The following PNPLA3 variants were observed in gnomAD, a reference collection of about 807,000 sequenced individuals.
PNPLA3 encodes 1-acylglycerol-3-phosphate O-acyltransferase PNPLA3.
In PNPLA3, 42 loss-of-function variants were observed where a neutral mutation model predicts 43.1. That is an observed-to-expected ratio of 0.97 (90% CI 0.76 to 1.26). PNPLA3 has a LOEUF of 1.26. Ranked by LOEUF, PNPLA3 falls within the 50% of genes most tolerant of loss-of-function variation. The pLI, the probability that PNPLA3 is intolerant of heterozygous loss-of-function variation, is 0.00. For synonymous variants in PNPLA3, 272 were observed against 253.6 expected, an observed-to-expected ratio of 1.07 and a Z score of -0.69; for missense variants, 647 against 621.4, an observed-to-expected ratio of 1.04 and a Z score of -0.44.
Position 43,932,910 on chromosome 22 carries a change from A to T in PNPLA3, c.519A>T (p.Val173=). Residue 173 remains valine (V), a synonymous_variant, in exon 4 of 9, where the codon GTA becomes GTT. Coordinates refer to ENST00000216180, the MANE Select transcript of PNPLA3 (RefSeq NM_025225.3). ...RYVDGGVSDN[V]PFIDAKTTIT... is the part of the protein sequence containing the mutation. ...TGGATGGAGGAGTGAGTGACAACGT[A>T]CCCTTCATTGATGCCAAAACAACCA... The T allele has an allele frequency of 6.2e-7, 1 of 1,614,142 alleles. No homozygotes were observed. Among genetic ancestry groups the T allele is most frequent in the Admixed American group, 1.7e-5 (1 of 60,016 alleles).
intron 6 of PNPLA3, among the ~76,000 whole-genome samples, 180 bp downstream of exon 6, chr22:43,937,452 C>A (rs963302869): frequency 1.9e-4 from 29 of 152,122 alleles, no homozygotes; most frequent in African/African-American, 6.8e-4. Context: ...CAGCCCCCAA[C>A]CCCCCCAATC....
chr22:43,930,184 G>A lies in PNPLA3; in HGVS notation c.486+1295G>A, dbSNP rs1409711130. ...ATCTTATAGGGTCCCCACAACCAAG[G>A]GGAGATGTGATTATTCATCCTGTGT... is the stretch of plus-strand genomic sequence containing the variant. On this transcript the variant is annotated intron_variant, in intron 3 of 8. Coordinates refer to ENST00000216180, the MANE Select transcript of PNPLA3 (RefSeq NM_025225.3). Among the ~76,000 whole-genome samples the A allele has an allele frequency of 2.0e-5, 3 of 152,136 alleles. No individual in the cohort carries two copies. The East Asian group carries it at 5.8e-4, about 29-fold the overall frequency.
rs558010007 is a variant in PNPLA3 at position 43,932,886 on chromosome 22, G to C, written c.495G>C (p.Val165=). The C allele has an allele frequency of 4.6e-5, 74 of 1,614,098 alleles. No individual in the cohort carries two copies. The highest frequency in any genetic ancestry group is 6.2e-5 in the Non-Finnish European group (73 of 1,179,960). ...TTCCCCTTCTTTAAAAGCGATATGT[G>C]GATGGAGGAGTGAGTGACAACGTAC... ...IPPSFRGVRY[V]DGGVSDNVPF... The change falls in exon 4 of 9, where the codon GTG becomes GTC. Residue 165 remains valine (V), a synonymous_variant. Transcript: ENST00000216180.
intron 7 of PNPLA3, among the ~76,000 whole-genome samples, chr22:43,942,704 T>TC (rs1569016342): frequency 1.4e-5 from 2 of 143,072 alleles, no homozygotes; most frequent in African/African-American, 5.2e-5. Context: ...CTTTTTTCTT[T>TC]TTTTTTTTTT....
intron 4 of PNPLA3, among the ~76,000 whole-genome samples, chr22:43,934,123 C>A (rs1019587480): frequency 6.6e-6 from 1 of 151,950 alleles, no homozygotes; most frequent in Non-Finnish European, 1.5e-5. Flanking sequence ...TTGAGACCAG[C>A]CTGGCCAACA....
chr22:43,941,559 C>T (rs779594961), intron 7 of PNPLA3, among the ~76,000 whole-genome samples: 2 of 152,082 alleles, frequency 1.3e-5, no homozygotes, highest in Non-Finnish European at 2.9e-5. Flanking sequence ...AGTACTCATC[C>T]CATAGTAAGC....
chr22:43,934,374 G>C (rs530532382), intron 4 of PNPLA3, among the ~76,000 whole-genome samples: 1 of 151,742 alleles, frequency 6.6e-6, no homozygotes, highest in African/African-American at 2.4e-5. Flanking sequence ...CTGGCCTGCT[G>C]GGGTGCCTGC....
At position 43,927,036 on chromosome 22, in the gene PNPLA3, G is replaced by C; in HGVS notation, c.289G>C (p.Gly97Arg). 1 of 1,614,210 alleles carries C rather than the reference G, an allele frequency of 6.2e-7. No homozygotes were observed. The highest frequency in any genetic ancestry group is 8.5e-7 in the Non-Finnish European group (1 of 1,180,030). Residue 97 changes from glycine (G) to arginine (R), a missense_variant, in exon 2 of 9, where the codon GGT (glycine) becomes CGT (arginine). By Grantham distance (125) the Gly-to-Arg change is moderately radical. Coordinates refer to ENST00000216180, the MANE Select transcript of PNPLA3 (RefSeq NM_025225.3). ...SFNLSKFLRQ[G>R]LCKCLPANVH... ...CAACTTAAGCAAGTTCCTCCGACAG[G>C]GTCTCTGCAAATGCCTCCCGGCCAA...
At position 43,944,680 on chromosome 22, in the gene PNPLA3, C is replaced by T. The variant is rs199776553; in HGVS notation, c.1113-11C>T. 4 of 1,612,770 alleles carry T rather than the reference C, an allele frequency of 2.5e-6. No homozygotes were observed. Among genetic ancestry groups the T allele is most frequent in the East Asian group, 2.2e-5 (1 of 44,880 alleles). Reference sequence around the variant, plus strand: ...ATGTGTGTGTTTGTGTACTTGGTCTCATCTCTGCAGACTGGTGACATGGCT... The same window carrying T: ...ATGTGTGTGTTTGTGTACTTGGTCTTATCTCTGCAGACTGGTGACATGGCT... On this transcript the variant is annotated splice_polypyrimidine_tract_variant and intron_variant, in intron 7 of 8. Transcript: ENST00000216180.
At chr22:43,925,177 A>G (rs1389407787) in intron 1 of PNPLA3, among the ~76,000 whole-genome samples, 2 of 151,548 alleles carry the variant, frequency 1.3e-5, no homozygotes, top group African/African-American at 2.4e-5. Flanking sequence ...TCTAGTTTCC[A>G]CTGACCTAGG....
intron 7 of PNPLA3, 87 bp from the exon 8 acceptor site, chr22:43,944,604 T>C: frequency 9.3e-7 from 1 of 1,069,544 alleles, no homozygotes; most frequent in Non-Finnish European, 1.4e-6. Flanking sequence ...GGAGGTGATG[T>C]TGGCAGCTTT....
chr22:43,940,655 A>G (rs2050025248), intron 7 of PNPLA3, among the ~76,000 whole-genome samples: 1 of 151,954 alleles, frequency 6.6e-6, no homozygotes, highest in Non-Finnish European at 1.5e-5. Context: ...CTAAAAATAC[A>G]AAAATTAGTG....
rs1367745110 is a variant in PNPLA3, at chr22:43,926,929, C to T, written c.188-6C>T. The T allele has an allele frequency of 4.3e-6, 7 of 1,612,574 alleles. No homozygotes were observed. In the Admixed American group the frequency reaches 8.3e-5, roughly 19 times the overall value. The stretch of plus-strand genomic sequence containing the variant: ...ATTCTTTCATGTATTTGTCTCCTGT[C>T]CCCAGAGCAGACTCTGCAGGTCCTC... On this transcript the variant is annotated splice_polypyrimidine_tract_variant and splice_region_variant and intron_variant, in intron 1 of 8. Coordinates refer to ENST00000216180, the MANE Select transcript of PNPLA3 (RefSeq NM_025225.3).
At chr22:43,939,014 C>T (rs532613612) in intron 6 of PNPLA3, among the ~76,000 whole-genome samples, 37 of 152,340 alleles carry the variant, frequency 2.4e-4, no homozygotes, top group African/African-American at 7.0e-4. Context: ...GAGCCTCCAT[C>T]TCCCAGGTTC....
intron 1 of PNPLA3, among the ~76,000 whole-genome samples, chr22:43,924,850 G>A (rs1378204045): frequency 3.3e-5 from 5 of 151,914 alleles, no homozygotes; most frequent in South Asian, 2.1e-4. Context: ...GGGTTTCACC[G>A]TGTTAGCCAG....
intron 3 of PNPLA3, among the ~76,000 whole-genome samples, chr22:43,932,372 G>T (rs1338153523): frequency 6.6e-6 from 1 of 152,186 alleles, no homozygotes; most frequent in Non-Finnish European, 1.5e-5. Context: ...AGCATGGGGG[G>T]AGATGGGCTC....
intron 6 of PNPLA3, 93 bp from the exon 7 acceptor site, chr22:43,939,900 G>A: frequency 3.2e-6 from 5 of 1,580,702 alleles, no homozygotes; most frequent in Non-Finnish European, 4.3e-6. Context: ...GCCAGGACGG[G>A]CGTATTTTAT....
chr22:43,925,902 A>G (rs2049918874), intron 1 of PNPLA3, among the ~76,000 whole-genome samples: 1 of 152,210 alleles, frequency 6.6e-6, no homozygotes, highest in African/African-American at 2.4e-5. Context: ...TATAGAAAGG[A>G]TTCCTTACTG....
chr22:43,938,728 A>C (rs1257250396), intron 6 of PNPLA3, among the ~76,000 whole-genome samples: 1 of 152,228 alleles, frequency 6.6e-6, no homozygotes. Context: ...AGGGACACAG[A>C]TCCAAACCAT....
Sources: allele counts gnomAD v4.1 joint callset (sites outside exome capture counted in the v4.1 genomes callset), GRCh38; gene constraint gnomAD v4.1.1; transcripts MANE v1.5; gene names NCBI Gene and HGNC (gene_info 2026-07-23, HGNC 2026-07-21).